The following RBFOX1 variants were observed in gnomAD, a reference collection of about 807,000 sequenced individuals.
RBFOX1 encodes the protein RNA binding fox-1 homolog 1.
RBFOX1 carries 8 observed loss-of-function variants against 57.7 expected under a neutral mutation model. The ratio of observed to expected loss-of-function variants is 0.14; its 90% CI spans 0.08 to 0.25. The LOEUF is 0.25. RBFOX1 is among the 10% of genes least tolerant of loss of function. The probability of loss-of-function intolerance (pLI) is 1.00; values close to 1 mark genes in which losing one functional copy is unlikely to be tolerated. For missense variants in RBFOX1, 611 were observed against 548.5 expected (o/e 1.11, Z -1.14); for synonymous variants, 326 against 222.4 (o/e 1.47, Z -4.15).
intron 1 of RBFOX1, among the ~76,000 whole-genome samples, chr16:6,220,667 G>A (rs1405918075): frequency 6.6e-6 from 1 of 151,892 alleles, no homozygotes; most frequent in Non-Finnish European, 1.5e-5. Flanking sequence ...TTTGTGGTGT[G>A]TGTTTACTGT....
chr16:7,078,015 A>G (rs1341850934), intron 4 of RBFOX1, among the ~76,000 whole-genome samples: 1 of 152,068 alleles, frequency 6.6e-6, no homozygotes, highest in African/African-American at 2.4e-5. Context: ...ATGGAGCATT[A>G]CCTCCATCAC....
intron 3 of RBFOX1, among the ~76,000 whole-genome samples, chr16:6,937,517 G>C (rs529256779): frequency 4.6e-5 from 7 of 152,178 alleles, no homozygotes; most frequent in Admixed American, 1.3e-4. Flanking sequence ...CAGACATCAG[G>C]AGATCCTGAG....
At chr16:6,254,270 G>A (rs1263700260) in intron 1 of RBFOX1, among the ~76,000 whole-genome samples, 1 of 152,066 alleles carries the variant, frequency 6.6e-6, no homozygotes, top group East Asian at 1.9e-4. Flanking sequence ...ATGTATTCAG[G>A]GAGAACGTTT....
intron 3 of RBFOX1, among the ~76,000 whole-genome samples, chr16:6,819,730 AAT>A (rs1491192569): frequency 2.1e-5 from 2 of 95,242 alleles, no homozygotes; most frequent in Admixed American, 1.2e-4. Context: ...AAAAAAAAAA[AAT>A]AACAACACCA....
intron 2 of RBFOX1, among the ~76,000 whole-genome samples, chr16:6,551,754 G>A (rs928043448): frequency 6.6e-6 from 1 of 152,152 alleles, no homozygotes; most frequent in African/African-American, 2.4e-5. Flanking sequence ...GGCAGCAGTT[G>A]TGGACAGCTG....
At chr16:7,566,897 G>T (rs1380355372) in intron 5 of RBFOX1, among the ~76,000 whole-genome samples, 5 of 151,828 alleles carry the variant, frequency 3.3e-5, no homozygotes, top group Non-Finnish European at 4.4e-5. Flanking sequence ...CCCCCCAAAA[G>T]GTGGTCCACA....
intron 1 of RBFOX1, among the ~76,000 whole-genome samples, chr16:5,259,837 C>G (rs992932263): frequency 6.6e-6 from 1 of 152,154 alleles, no homozygotes; most frequent in African/African-American, 2.4e-5. Flanking sequence ...CAAGTTTTCA[C>G]TCCTGTTTAA....
At chr16:7,189,148 G>C (rs1190419739) in intron 4 of RBFOX1, among the ~76,000 whole-genome samples, 1 of 151,968 alleles carries the variant, frequency 6.6e-6, no homozygotes, top group Non-Finnish European at 1.5e-5. Flanking sequence ...CCTCAGGGCT[G>C]GGCACGGTGG....
intron 4 of RBFOX1, among the ~76,000 whole-genome samples, chr16:7,219,733 G>A (rs149570418): frequency 6.1e-4 from 93 of 152,206 alleles, no homozygotes; most frequent in Middle Eastern, 3.4e-3. Flanking sequence ...CTTTAAGAGT[G>A]GTATTGGAAT....
chr16:5,575,690 A>G (rs528475401), intron 2 of RBFOX1, among the ~76,000 whole-genome samples: 1 of 152,298 alleles, frequency 6.6e-6, no homozygotes, highest in South Asian at 2.1e-4. Flanking sequence ...CTAACCAGTG[A>G]ATAATCCATT....
At chr16:5,634,996 A>G (rs2048635120) in intron 3 of RBFOX1, among the ~76,000 whole-genome samples, 2 of 152,186 alleles carry the variant, frequency 1.3e-5, no homozygotes, top group Admixed American at 1.3e-4. Flanking sequence ...ATGATTGGTC[A>G]AGACTGGGTC....
intron 1 of RBFOX1, among the ~76,000 whole-genome samples, chr16:6,069,321 CTGG>C (rs2095806063): frequency 6.7e-6 from 1 of 149,296 alleles, no homozygotes; most frequent in Non-Finnish European, 1.5e-5. Flanking sequence ...TCACTTGAAC[CTGG>C]AAGGCGGAGG....
At chr16:7,496,138 T>G (rs2068568557) in intron 4 of RBFOX1, among the ~76,000 whole-genome samples, 2 of 152,254 alleles carry the variant, frequency 1.3e-5, no homozygotes, top group South Asian at 4.2e-4. Context: ...TCCTCACCTT[T>G]TTATTTTATT....
At chr16:5,362,652 G>A (rs534715670) in intron 1 of RBFOX1, among the ~76,000 whole-genome samples, 3 of 152,184 alleles carry the variant, frequency 2.0e-5, no homozygotes, top group South Asian at 2.1e-4. Flanking sequence ...GTGAGCCACC[G>A]CGCCAGGCCA....
intron 3 of RBFOX1, among the ~76,000 whole-genome samples, chr16:5,704,838 G>A (rs1366762187): frequency 6.6e-6 from 1 of 152,156 alleles, no homozygotes; most frequent in South Asian, 2.1e-4. Flanking sequence ...GAGTTGTTAG[G>A]AACTTTTGGA....
chr16:5,641,929 A>G (rs2048888981), intron 3 of RBFOX1, among the ~76,000 whole-genome samples: 1 of 152,100 alleles, frequency 6.6e-6, no homozygotes, highest in African/African-American at 2.4e-5. Context: ...TCACTTGGGG[A>G]TTTCACTAAA....
intron 3 of RBFOX1, among the ~76,000 whole-genome samples, chr16:5,804,818 A>T (rs2055175073): frequency 6.6e-6 from 1 of 152,216 alleles, no homozygotes; most frequent in South Asian, 2.1e-4. Flanking sequence ...TCCCCACATT[A>T]ATAATCAGAA....
intron 4 of RBFOX1, among the ~76,000 whole-genome samples, chr16:7,340,152 A>C (rs572581315): frequency 6.6e-6 from 1 of 152,230 alleles, no homozygotes; most frequent in Non-Finnish European, 1.5e-5. Context: ...TGCATAGACT[A>C]TGAACGGAGG....
At chr16:7,688,980 G>A (rs1400957760) in intron 14 of RBFOX1, among the ~76,000 whole-genome samples, 1 of 151,946 alleles carries the variant, frequency 6.6e-6, no homozygotes, top group Non-Finnish European at 1.5e-5. Context: ...GTAAAAGCTT[G>A]GTCTTGAGCC....
Sources: allele counts gnomAD v4.1 joint callset (sites outside exome capture counted in the v4.1 genomes callset), GRCh38; gene constraint gnomAD v4.1.1; transcripts MANE v1.5; gene names NCBI Gene and HGNC (gene_info 2026-07-23, HGNC 2026-07-21).